Variants in CRAMP1 observed in about 807,000 individuals in gnomAD.
CRAMP1 encodes the protein protein cramped-like.
A neutral mutation model predicts 115.4 loss-of-function variants in CRAMP1; 50 were observed. The ratio of observed to expected loss-of-function variants is 0.43; its 90% CI spans 0.35 to 0.55. The LOEUF (loss-of-function observed/expected upper bound fraction) is 0.55, where lower values mean the gene tolerates loss of function less well. Among genes scored for constraint, CRAMP1 ranks in the 20% least tolerant of loss-of-function variants. The pLI, the probability that CRAMP1 is intolerant of heterozygous loss-of-function variation, is 0.01. For missense variants in CRAMP1, 1,679 were observed against 1,721.7 expected (o/e 0.98, Z 0.44); for synonymous variants, 866 against 745.4 (o/e 1.16, Z -2.64).
intron 10 of CRAMP1, among the ~76,000 whole-genome samples, chr16:1,657,995 C>T (rs2036790599): frequency 6.6e-6 from 1 of 152,136 alleles, no homozygotes; most frequent in East Asian, 1.9e-4. Context: ...CGGGCGCTCA[C>T]GAGCCCCCAC....
At position 1,655,925 on chromosome 16, in the gene CRAMP1, A is replaced by C. The variant is rs1213100086; in HGVS notation, c.1168A>C (p.Met390Leu). 1.9e-6 allele frequency: 3 copies of C among 1,612,980 alleles called. No individual in the cohort carries two copies. The highest frequency in any genetic ancestry group is 2.7e-5 in the African/African-American group (2 of 74,948). ...RQLQDSCSAP[M>L]QEKVTLHLFP... is the part of the protein sequence containing the mutation. ...GCTGCAGGACTCATGCTCCGCACCG[A>C]TGCAGGAGAAGGTGACACTGCACTT... Residue 390 changes from methionine (M) to leucine (L), a missense_variant, in exon 10 of 21, where the codon ATG becomes CTG. By Grantham distance (15) the Met-to-Leu change is conservative. Transcript: ENST00000397412.
intron 14 of CRAMP1, 80 bp from the exon 15 acceptor site, chr16:1,665,993 G>A: frequency 1.1e-6 from 1 of 902,514 alleles, no homozygotes; most frequent in Non-Finnish European, 1.8e-6. Context: ...GGCTGTAAAG[G>A]AAGCCCCCTG....
chr16:1,666,341 G>A lies in CRAMP1; in HGVS notation c.2858-81G>A, dbSNP rs2036875820. On this transcript the variant is annotated intron_variant, in intron 15 of 20. Coordinates refer to ENST00000397412, the MANE Select transcript of CRAMP1 (RefSeq NM_020825.4). The surrounding 1 kb of genome is among the most constrained non-coding windows in gnomAD (Gnocchi z 5.0). ...TTGCATTGACATGAGGTGCGAGGGA[G>A]AAGCTGTTCCCCGAGCCCTCTTGGG... 1 of 1,382,746 alleles carries A rather than the reference G, an allele frequency of 7.2e-7. No individual in the cohort carries two copies. Among genetic ancestry groups the A allele is most frequent in the Admixed American group, 2.0e-5 (1 of 49,990 alleles). The allele number at this position is 1,382,746 out of a possible 1,614,324, so 85.7% of individuals were successfully genotyped here.
intron 6 of CRAMP1, among the ~76,000 whole-genome samples, chr16:1,642,845 A>C (rs1181619104): frequency 6.6e-6 from 1 of 152,252 alleles, no homozygotes; most frequent in Non-Finnish European, 1.5e-5. Context: ...TGTATGCTTG[A>C]GGACGGTGCA....
intron 6 of CRAMP1, among the ~76,000 whole-genome samples, chr16:1,651,374 A>G (rs1330049023): frequency 2.7e-5 from 4 of 150,210 alleles, no homozygotes; most frequent in African/African-American, 9.9e-5. Flanking sequence ...CAGGTCACGG[A>G]AAGGTGGACT....
intron 19 of CRAMP1, 112 bp from the exon 20 acceptor site, chr16:1,670,552 C>T (rs1045114933): frequency 6.0e-6 from 7 of 1,167,342 alleles, no homozygotes; most frequent in African/African-American, 1.5e-5. Flanking sequence ...GGATTGGGGC[C>T]GGGGCCGGGG....
At chr16:1,616,825 T>G (rs1164627955) in intron 2 of CRAMP1, among the ~76,000 whole-genome samples, 1 of 151,976 alleles carries the variant, frequency 6.6e-6, no homozygotes, top group Non-Finnish European at 1.5e-5. Context: ...TATCTTTTTT[T>G]TTTTTTTGAG....
In CRAMP1 at chr16:1,669,205, C is replaced by CA. The variant is rs1449920137; in HGVS notation, c.3499+41dup. 8 of 1,494,746 alleles carry CA rather than the reference C, an allele frequency of 5.4e-6. No individual in the cohort carries two copies. Among genetic ancestry groups the CA allele is most frequent in the Admixed American group, 2.3e-5 (1 of 42,620 alleles). 92.6% of individuals were successfully genotyped at this position (1,494,746 alleles called of 1,614,324 possible). ...AGGGCTCCCATCTCCTTTTCCAGGG[C>CA]AGCAGGGGCTGGGGTCTGCGGGACA... is the stretch of plus-strand genomic sequence containing the variant. On this transcript the variant is annotated intron_variant, in intron 19 of 20. Transcript: ENST00000397412. This position sits in a 1 kb window ranked among gnomAD's most constrained non-coding sequence, Gnocchi z 4.6.
At chr16:1,658,946 C>A (rs2036799877) in intron 10 of CRAMP1, among the ~76,000 whole-genome samples, 1 of 152,076 alleles carries the variant, frequency 6.6e-6, no homozygotes, top group Non-Finnish European at 1.5e-5. Flanking sequence ...GCCGAGTCTT[C>A]CCAGCGGTGG....
chr16:1,622,063 G>T (rs1278606563), intron 2 of CRAMP1, among the ~76,000 whole-genome samples: 1 of 152,066 alleles, frequency 6.6e-6, no homozygotes. Flanking sequence ...ATTCTACCAG[G>T]TGTCTCTGGT....
At chr16:1,650,770 C>T (rs560270259) in intron 6 of CRAMP1, among the ~76,000 whole-genome samples, 69 of 152,222 alleles carry the variant, frequency 4.5e-4, no homozygotes, top group Non-Finnish European at 6.5e-4. Flanking sequence ...TCCTACCTGA[C>T]GTGTGCAACT....
chr16:1,614,455 CGGGGGCGGCGGCGT>C lies in CRAMP1; in HGVS notation c.-1-174_-1-161del, dbSNP rs1054883326. ...AGGGTCCCGGGCTGGTGGGCAGGGCCGGGGGCGGCGGCGTGGGGGCGGCAGGGGCCGCGGCGGGC... is the reference window on the plus strand; with the variant it reads ...AGGGTCCCGGGCTGGTGGGCAGGGCCGGGGGCGGCAGGGGCCGCGGCGGGC... On this transcript the variant is annotated intron_variant, in intron 1 of 20. Coordinates refer to ENST00000397412, the MANE Select transcript of CRAMP1 (RefSeq NM_020825.4). This position sits in a 1 kb window ranked among gnomAD's most constrained non-coding sequence, Gnocchi z 4.4. 5.9e-5 allele frequency among the ~76,000 whole-genome samples: 7 copies of C among 117,698 alleles called. No homozygotes were observed. The highest frequency in any genetic ancestry group is 1.2e-4 in the Non-Finnish European group (7 of 56,068). 77.2% of individuals were successfully genotyped at this position (117,698 alleles called of 152,430 possible).
chr16:1,612,811 C>CGA (rs1184015403), intron 1 of CRAMP1, among the ~76,000 whole-genome samples, 154 bp downstream of exon 1: 1 of 152,068 alleles, frequency 6.6e-6, no homozygotes, highest in Non-Finnish European at 1.5e-5. Flanking sequence ...GTCCCCATCC[C>CGA]GAGACGCGAG....
intron 6 of CRAMP1, among the ~76,000 whole-genome samples, chr16:1,644,240 A>C (rs1320356619): frequency 6.6e-6 from 1 of 152,222 alleles, no homozygotes; most frequent in Admixed American, 6.5e-5. Flanking sequence ...GTCATCCTCC[A>C]GAGAGGTGTG....
chr16:1,634,561 C>T (rs2036571922), intron 4 of CRAMP1, among the ~76,000 whole-genome samples: 1 of 152,188 alleles, frequency 6.6e-6, no homozygotes, highest in South Asian at 2.1e-4. Flanking sequence ...TCCCTCTCTT[C>T]CTGACCTGGC....
In CRAMP1 at chr16:1,651,847, CAGAA is replaced by C. The variant is rs530078526; in HGVS notation, c.828-646_828-643del. ...GTGGATTGAGGTCACACAGAGGTCA[CAGAA>C]AGGTGGACTGAGGTCACACAGGTCA... On this transcript the variant is annotated intron_variant, in intron 6 of 20. Transcript: ENST00000397412. Among the ~76,000 whole-genome samples, 35 of 144,382 alleles carry C rather than the reference CAGAA, an allele frequency of 2.4e-4. No individual in the cohort carries two copies. The South Asian group carries it at 6.5e-3, about 27-fold the overall frequency. 94.7% of individuals were successfully genotyped at this position (144,382 alleles called of 152,430 possible).
In CRAMP1 at chr16:1,672,160, GA is replaced by G. The variant is rs2036928270; in HGVS notation, c.3645+1354del. Reference sequence around the variant, plus strand: ...CAGTGACAGGAGCCCCTTGGAGTCAGAAATCCAGAGTGTTAGCCTCACCCCA... The same window carrying G: ...CAGTGACAGGAGCCCCTTGGAGTCAGAATCCAGAGTGTTAGCCTCACCCCA... On this transcript the variant is annotated intron_variant, in intron 20 of 20. Transcript: ENST00000397412. The surrounding 1 kb of genome is among the most constrained non-coding windows in gnomAD (Gnocchi z 4.9). Among the ~76,000 whole-genome samples the G allele has an allele frequency of 6.6e-6, 1 of 152,216 alleles. No individual in the cohort carries two copies. The highest frequency in any genetic ancestry group is 2.4e-5 in the African/African-American group (1 of 41,456).
In CRAMP1 at chr16:1,614,888, C is replaced by G. The variant is rs2036404109; in HGVS notation, c.249C>G (p.Leu83=). 2 of 1,331,122 alleles carry G rather than the reference C, an allele frequency of 1.5e-6. No individual in the cohort carries two copies. The highest frequency in any genetic ancestry group is 1.9e-6 in the Non-Finnish European group (2 of 1,039,020). 82.5% of individuals were successfully genotyped at this position (1,331,122 alleles called of 1,614,324 possible). A position where few individuals can be genotyped will look rare whatever the true frequency, so the allele number is the denominator to read the frequency against. ...GCCCCCAGGACCAGCACCACTTCCT[C>G]CGGTCCAGCGTGCGGCCGCAGAGCA... ...QGSPQDQHHF[L]RSSVRPQSKR... Residue 83 remains leucine (L), a synonymous_variant, in exon 2 of 21, where the codon CTC becomes CTG. Coordinates refer to ENST00000397412, the MANE Select transcript of CRAMP1 (RefSeq NM_020825.4). The surrounding 1 kb of genome is among the most constrained non-coding windows in gnomAD (Gnocchi z 4.4).
intron 2 of CRAMP1, among the ~76,000 whole-genome samples, chr16:1,625,018 C>T (rs375650166): frequency 1.4e-4 from 21 of 152,298 alleles, no homozygotes; most frequent in African/African-American, 2.6e-4. Context: ...TGAGCCACCA[C>T]GCCTAGCCAG....
Sources: gnomAD v4.1 joint callset for allele counts (sites outside exome capture counted in the v4.1 genomes callset) on GRCh38, gnomAD v4.1.1 for gene constraint, Gnocchi (gnomAD v3.1) non-coding constraint, MANE v1.5 for transcripts, NCBI Gene and HGNC (gene_info 2026-07-23, HGNC 2026-07-21) for gene names.